TRPC4: variants seen among roughly 807,000 people sequenced by gnomAD.
TRPC4 encodes the protein short transient receptor potential channel 4.
Under a neutral mutation model 99.4 loss-of-function variants are expected in TRPC4, and 49 were observed. That is an observed-to-expected ratio of 0.49 (90% confidence interval 0.39 to 0.63). The LOEUF (loss-of-function observed/expected upper bound fraction) is 0.63, where lower values mean the gene tolerates loss of function less well. Among genes scored for constraint, TRPC4 ranks in the 20% least tolerant of loss-of-function variants. TRPC4 has a pLI of 0.00. For missense variants in TRPC4, 898 were observed against 1,152.9 expected (o/e 0.78, Z 3.20); for synonymous variants, 454 against 425.9 (o/e 1.07, Z -0.81).
At chr13:37,763,753 A>G (rs1956285966) in intron 2 of TRPC4, among the ~76,000 whole-genome samples, 1 of 151,740 alleles carries the variant, frequency 6.6e-6, no homozygotes, top group African/African-American at 2.4e-5. Context: ...TTGAATTTTA[A>G]ATCAGGGAAG....
chr13:37,768,400 A>T (rs940263870), intron 2 of TRPC4, among the ~76,000 whole-genome samples: 1 of 151,430 alleles, frequency 6.6e-6, no homozygotes, highest in African/African-American at 2.4e-5. Flanking sequence ...CAGGCAAAAG[A>T]AAACTGTTGG....
chr13:37,632,436 C>T lies in TRPC4; in HGVS notation c.*4467G>A, dbSNP rs1437283263. 6.6e-6 allele frequency among the ~76,000 whole-genome samples: 1 copy of T among 152,178 alleles called. No individual in the cohort carries two copies. Among genetic ancestry groups the T allele is most frequent in the African/African-American group, 2.4e-5 (1 of 41,436 alleles). Reference sequence around the variant, plus strand: ...AAATCTGGTGTGTGTTTCACACTTACAGCACATCTTAATTCAGACTTGTCA... The same window carrying T: ...AAATCTGGTGTGTGTTTCACACTTATAGCACATCTTAATTCAGACTTGTCA... On this transcript the variant is annotated 3_prime_UTR_variant, in exon 11 of 11. Coordinates refer to ENST00000379705, the MANE Select transcript of TRPC4 (RefSeq NM_016179.4).
chr13:37,660,755 G>A (rs745825296), intron 6 of TRPC4, among the ~76,000 whole-genome samples: 1 of 152,028 alleles, frequency 6.6e-6, no homozygotes, highest in Non-Finnish European at 1.5e-5. Context: ...ATAGAATAAG[G>A]TCTCGGAAAT....
At chr13:37,652,943 C>T (rs1952099188) in intron 7 of TRPC4, among the ~76,000 whole-genome samples, 1 of 152,082 alleles carries the variant, frequency 6.6e-6, no homozygotes, top group Non-Finnish European at 1.5e-5. Context: ...AAGCTCTAAG[C>T]TGGTGATGAC....
intron 3 of TRPC4, among the ~76,000 whole-genome samples, chr13:37,700,926 C>G (rs1015952774): frequency 5.3e-5 from 8 of 152,158 alleles, no homozygotes; most frequent in African/African-American, 1.9e-4. Context: ...GACAGATTTT[C>G]TGGGCTTAAA....
intron 3 of TRPC4, among the ~76,000 whole-genome samples, chr13:37,739,326 T>G (rs1466648451): frequency 1.3e-5 from 2 of 151,976 alleles, no homozygotes; most frequent in African/African-American, 4.8e-5. Flanking sequence ...GTGTGTTAAA[T>G]AAGAAAACCA....
chr13:37,750,785 C>T (rs952295436), intron 2 of TRPC4, among the ~76,000 whole-genome samples: 13 of 152,110 alleles, frequency 8.5e-5, no homozygotes, highest in African/African-American at 2.6e-4. Flanking sequence ...TTTCCTAATG[C>T]TATCCCTCCC....
chr13:37,717,201 T>A (rs918348485), intron 3 of TRPC4, among the ~76,000 whole-genome samples: 2 of 152,148 alleles, frequency 1.3e-5, no homozygotes, highest in African/African-American at 4.8e-5. Context: ...GTGAATTATA[T>A]TGATTTAGAG....
chr13:37,645,210 A>G (rs1359736604), intron 8 of TRPC4, among the ~76,000 whole-genome samples: 2 of 152,236 alleles, frequency 1.3e-5, no homozygotes, highest in South Asian at 4.1e-4. Flanking sequence ...TTGTTAGGGC[A>G]GGACAATGGC....
At chr13:37,681,051 A>G (rs9532099) in intron 4 of TRPC4, among the ~76,000 whole-genome samples, 56,197 of 152,048 alleles carry the variant, frequency 0.37, 10,689 homozygotes, top group East Asian at 0.59. Context: ...GATTTACATA[A>G]AGGAAGAAAG....
At chr13:37,727,923 C>T (rs554507546) in intron 3 of TRPC4, among the ~76,000 whole-genome samples, 2 of 152,056 alleles carry the variant, frequency 1.3e-5, no homozygotes, top group South Asian at 2.1e-4. Context: ...ACTATATTAA[C>T]TGAATGAATT....
At chr13:37,716,004 G>T (rs1397799319) in intron 3 of TRPC4, among the ~76,000 whole-genome samples, 3 of 152,182 alleles carry the variant, frequency 2.0e-5, no homozygotes, top group Admixed American at 6.5e-5. Flanking sequence ...TAGGCATTTT[G>T]CATGTCCTTT....
intron 3 of TRPC4, among the ~76,000 whole-genome samples, chr13:37,722,183 T>C (rs924116462): frequency 6.6e-6 from 1 of 152,222 alleles, no homozygotes; most frequent in East Asian, 1.9e-4. Context: ...ATAAGTGATT[T>C]AGACCCAGGT....
At chr13:37,789,351 G>T (rs1454415878) in intron 1 of TRPC4, among the ~76,000 whole-genome samples, 1 of 152,094 alleles carries the variant, frequency 6.6e-6, no homozygotes, top group East Asian at 1.9e-4. Context: ...TCTTTCTGAA[G>T]CATCATAGCC....
intron 4 of TRPC4, among the ~76,000 whole-genome samples, chr13:37,688,723 C>T (rs939427819): frequency 6.6e-6 from 1 of 152,140 alleles, no homozygotes; most frequent in East Asian, 1.9e-4. Flanking sequence ...CAACAAGCAG[C>T]TCACAGAGGT....
chr13:37,752,578 C>T (rs9603254), intron 2 of TRPC4, among the ~76,000 whole-genome samples: 2,519 of 151,798 alleles, frequency 0.017, 31 homozygotes, highest in Non-Finnish European at 0.024. Context: ...GACCAAAATA[C>T]CACTTCTGCC....
intron 1 of TRPC4, among the ~76,000 whole-genome samples, chr13:37,793,025 T>C (rs998956109): frequency 6.6e-6 from 1 of 152,016 alleles, no homozygotes; most frequent in African/African-American, 2.4e-5. Flanking sequence ...TGCAGAGTAG[T>C]GTATTAACAG....
intron 1 of TRPC4, among the ~76,000 whole-genome samples, chr13:37,797,982 G>T (rs1957301474): frequency 6.6e-6 from 1 of 152,032 alleles, no homozygotes; most frequent in African/African-American, 2.4e-5. Context: ...TAGCATATTG[G>T]CACTTAGATA....
At chr13:37,775,295 T>G (rs1399036187) in intron 2 of TRPC4, among the ~76,000 whole-genome samples, 1 of 151,818 alleles carries the variant, frequency 6.6e-6, no homozygotes, top group Non-Finnish European at 1.5e-5. Flanking sequence ...GTATCAGAGT[T>G]TTCTATTTAC....
Sources: allele counts gnomAD v4.1 joint callset (sites outside exome capture counted in the v4.1 genomes callset), GRCh38; gene constraint gnomAD v4.1.1; transcripts MANE v1.5; gene names NCBI Gene and HGNC (gene_info 2026-07-23, HGNC 2026-07-21).